Variants in VPS8 observed in about 807,000 individuals in gnomAD.
VPS8 encodes the protein VPS8 subunit of CORVET complex, also known as vacuolar protein sorting-associated protein 8 homolog.
In VPS8, 129 loss-of-function variants were observed where a neutral mutation model predicts 216.4. That is an observed-to-expected ratio of 0.60 (90% CI 0.52 to 0.69). The LOEUF (loss-of-function observed/expected upper bound fraction) is 0.69. VPS8 is among the 30% of genes least tolerant of loss of function. The probability of loss-of-function intolerance (pLI) is 0.00; values close to 1 mark genes in which losing one functional copy is unlikely to be tolerated. For missense variants in VPS8, 1,531 were observed against 1,683.5 expected (o/e 0.91, Z 1.59); for synonymous variants, 571 against 565.4 (o/e 1.01, Z -0.14).
chr3:184,957,919 G>A (rs1745891218), intron 37 of VPS8, among the ~76,000 whole-genome samples: 1 of 152,210 alleles, frequency 6.6e-6, no homozygotes, highest in Admixed American at 6.5e-5. Context: ...GCCTGCTGGT[G>A]CCTTCTCCGG....
intron 45 of VPS8, among the ~76,000 whole-genome samples, chr3:185,008,963 G>A (rs7646192): frequency 6.6e-6 from 1 of 152,252 alleles, no homozygotes; most frequent in Non-Finnish European, 1.5e-5. Context: ...TAGATTAGGA[G>A]ACAAATGTCT....
chr3:184,903,319 TA>T (rs1734908609), intron 25 of VPS8, among the ~76,000 whole-genome samples: 1 of 152,220 alleles, frequency 6.6e-6, no homozygotes, highest in Non-Finnish European at 1.5e-5. Context: ...CAGTTTTTTT[TA>T]AAAAAGCTCA....
intron 17 of VPS8, among the ~76,000 whole-genome samples, 194 bp from the exon 18 acceptor site, chr3:184,867,829 GA>G (rs1225338239): frequency 4.6e-5 from 7 of 152,150 alleles, no homozygotes; most frequent in African/African-American, 1.4e-4. Context: ...CTGGGCAACA[GA>G]GCGAGACTCT....
At chr3:185,032,348 C>T (rs1053660953) in intron 46 of VPS8, among the ~76,000 whole-genome samples, 6 of 152,076 alleles carry the variant, frequency 3.9e-5, no homozygotes, top group African/African-American at 1.4e-4. Context: ...GTAAGGGGAA[C>T]GCTCCAACCA....
intron 4 of VPS8, 92 bp downstream of exon 4, chr3:184,832,911 T>G: frequency 2.8e-6 from 4 of 1,429,794 alleles, no homozygotes; most frequent in Non-Finnish European, 3.8e-6. Flanking sequence ...CAATATGGTC[T>G]GTTGAAGCCT....
At chr3:184,894,112 A>AT (rs34868265) in intron 22 of VPS8, among the ~76,000 whole-genome samples, 3 of 152,114 alleles carry the variant, frequency 2.0e-5, no homozygotes, top group Admixed American at 1.3e-4. Context: ...AGGATTAAAC[A>AT]TTTTTTTTCT....
At chr3:185,029,822 C>G (rs551532693) in intron 46 of VPS8, among the ~76,000 whole-genome samples, 1 of 152,326 alleles carries the variant, frequency 6.6e-6, no homozygotes, top group African/African-American at 2.4e-5. Flanking sequence ...CCTCAGCTTC[C>G]CAGAGTGCTG....
At position 184,900,820 on chromosome 3, in the gene VPS8, T is replaced by C. The variant is rs1321068944; in HGVS notation, c.2095-101T>C. The C allele has an allele frequency of 7.1e-6, 7 of 980,086 alleles. No homozygotes were observed. In the East Asian group the frequency reaches 7.5e-5, roughly 11 times the overall value. 60.7% of individuals were successfully genotyped at this position (980,086 alleles called of 1,614,324 possible). A position where few individuals can be genotyped will look rare whatever the true frequency, so the allele number is the denominator to read the frequency against. On this transcript the variant is annotated intron_variant, in intron 24 of 47. Coordinates refer to ENST00000625842, the MANE Select transcript of VPS8 (RefSeq NM_001009921.3). ...ATATTTAATCTTAATGGTAAATGAC[T>C]AATTCCATTAGCGAATGGTGATGAA...
At chr3:184,965,283 C>T (rs551670283) in intron 38 of VPS8, among the ~76,000 whole-genome samples, 46 of 152,314 alleles carry the variant, frequency 3.0e-4, no homozygotes, top group Non-Finnish European at 6.0e-4. Context: ...CAGGAAGAAT[C>T]ATCCACAGAG....
chr3:184,840,026 G>GGGAA (rs1413690307), intron 7 of VPS8: 10 of 668,140 alleles, frequency 1.5e-5, no homozygotes, highest in Non-Finnish European at 1.9e-5. Context: ...TAAAGTTGAA[G>GGGAA]GGAACCTTGG....
At chr3:185,012,325 G>T (rs924981999) in intron 45 of VPS8, among the ~76,000 whole-genome samples, 6 of 144,720 alleles carry the variant, frequency 4.1e-5, no homozygotes, top group African/African-American at 1.5e-4. Context: ...ATTTATATAT[G>T]GATATAATGT....
At chr3:185,049,417 C>T (rs1251451059) in intron 47 of VPS8, among the ~76,000 whole-genome samples, 1 of 152,172 alleles carries the variant, frequency 6.6e-6, no homozygotes, top group Non-Finnish European at 1.5e-5. Context: ...TAGGCTCACT[C>T]CTCACCTTCC....
At chr3:184,884,143 T>A (rs950702526) in intron 21 of VPS8, among the ~76,000 whole-genome samples, 5 of 152,146 alleles carry the variant, frequency 3.3e-5, no homozygotes, top group African/African-American at 1.2e-4. Context: ...TACATATGTA[T>A]ACATGTGCCA....
intron 35 of VPS8, among the ~76,000 whole-genome samples, chr3:184,936,735 C>T (rs1023821402): frequency 6.6e-6 from 1 of 151,650 alleles, no homozygotes; most frequent in Non-Finnish European, 1.5e-5. Context: ...ATCCACAACC[C>T]CGTTTTCTTT....
intron 37 of VPS8, among the ~76,000 whole-genome samples, chr3:184,958,002 G>A (rs1745906389): frequency 6.6e-6 from 1 of 152,188 alleles, no homozygotes; most frequent in African/African-American, 2.4e-5. Context: ...GGGAGCAGAG[G>A]ATTCCCCTGC....
intron 46 of VPS8, among the ~76,000 whole-genome samples, chr3:185,045,696 C>T (rs1057368677): frequency 2.7e-5 from 4 of 150,018 alleles, no homozygotes; most frequent in Admixed American, 6.7e-5. Context: ...GAACCTGGGA[C>T]GCTGAGGTTT....
At chr3:184,949,582 G>T (rs1311725129) in intron 36 of VPS8, among the ~76,000 whole-genome samples, 5 of 152,102 alleles carry the variant, frequency 3.3e-5, no homozygotes, top group African/African-American at 9.7e-5. Flanking sequence ...GGATGCACTG[G>T]ATTCCTTCTT....
chr3:185,013,884 T>C (rs756623008), intron 45 of VPS8, among the ~76,000 whole-genome samples: 25 of 152,220 alleles, frequency 1.6e-4, no homozygotes, highest in Non-Finnish European at 3.4e-4. Flanking sequence ...AATGATTCCA[T>C]GGGAATCGTT....
At chr3:184,912,329 A>G (rs1736701406) in intron 25 of VPS8, among the ~76,000 whole-genome samples, 1 of 152,188 alleles carries the variant, frequency 6.6e-6, no homozygotes, top group Non-Finnish European at 1.5e-5. Context: ...CTGAGGAATA[A>G]TTTATAGTCT....
Sources: gnomAD v4.1 joint callset for allele counts (sites outside exome capture counted in the v4.1 genomes callset) on GRCh38, gnomAD v4.1.1 for gene constraint, MANE v1.5 for transcripts, NCBI Gene and HGNC (gene_info 2026-07-23, HGNC 2026-07-21) for gene names.